RALYL: variants seen among roughly 807,000 people sequenced by gnomAD.
RALYL encodes the protein RALY RNA binding protein like.
A neutral mutation model predicts 35.1 loss-of-function variants in RALYL; 29 were observed. That is an observed-to-expected ratio of 0.83 (90% confidence interval 0.61 to 1.13). The LOEUF (loss-of-function observed/expected upper bound fraction) is 1.13, where lower values mean the gene tolerates loss of function less well. RALYL is among the 50% of genes most tolerant of loss of function. RALYL has a pLI of 0.00. For missense variants in RALYL, 359 were observed against 360.4 expected (o/e 1.00, Z 0.03); for synonymous variants, 120 against 127.6 (o/e 0.94, Z 0.40).
At chr8:84,397,906 T>A (rs1046755956) in intron 1 of RALYL, among the ~76,000 whole-genome samples, 1 of 152,220 alleles carries the variant, frequency 6.6e-6, no homozygotes. Flanking sequence ...GCCATTAGTT[T>A]TGAAACTCTA....
intron 1 of RALYL, among the ~76,000 whole-genome samples, chr8:84,259,055 GC>G (rs1347126277): frequency 7.9e-5 from 12 of 152,088 alleles, no homozygotes; most frequent in Non-Finnish European, 1.8e-4. Context: ...TATGTCTGTG[GC>G]CTAAGTCTTA....
chr8:84,655,299 T>G (rs1446653273), intron 2 of RALYL, among the ~76,000 whole-genome samples: 1 of 151,960 alleles, frequency 6.6e-6, no homozygotes, highest in East Asian at 1.9e-4. Context: ...TTAGGGTTTT[T>G]TTTTTGTTTT....
At chr8:84,859,833 A>G (rs533962301) in intron 5 of RALYL, among the ~76,000 whole-genome samples, 396 of 152,218 alleles carry the variant, frequency 2.6e-3, no homozygotes, top group Non-Finnish European at 3.6e-3. Flanking sequence ...TGACAGAGTG[A>G]CACTCTGTCT....
Position 84,353,921 on chromosome 8 carries a change from C to T in RALYL, c.-24+169497C>T, listed in dbSNP as rs537184883. 3.3e-5 allele frequency among the ~76,000 whole-genome samples: 5 copies of T among 150,240 alleles called. No individual in the cohort carries two copies. The East Asian group carries it at 9.7e-4, about 29-fold the overall frequency. ...ATCATTTTGAGTAAGAGATTTTTGA[C>T]TTTAAAGCATATAGTTATTTGTTAT... On this transcript the variant is annotated intron_variant, in intron 1 of 8. Transcript: ENST00000521268.
At chr8:84,710,406 A>G (rs185826136) in intron 2 of RALYL, among the ~76,000 whole-genome samples, 2,034 of 152,110 alleles carry the variant, frequency 0.013, 18 homozygotes, top group Middle Eastern at 0.041. Context: ...GGTTCAAGCG[A>G]TTCTCCTTCC....
At chr8:84,290,597 C>T (rs931799849) in intron 1 of RALYL, among the ~76,000 whole-genome samples, 13 of 152,128 alleles carry the variant, frequency 8.5e-5, no homozygotes, top group African/African-American at 1.9e-4. Flanking sequence ...GCAAGGACCG[C>T]CCATTTACAC....
At chr8:84,203,346 G>C (rs944948184) in intron 1 of RALYL, among the ~76,000 whole-genome samples, 2 of 151,512 alleles carry the variant, frequency 1.3e-5, no homozygotes, top group African/African-American at 4.9e-5. Flanking sequence ...GGAAGAAAAT[G>C]ATAAATTTTC....
chr8:84,511,241 C>G (rs909403508), intron 1 of RALYL, among the ~76,000 whole-genome samples: 1 of 152,184 alleles, frequency 6.6e-6, no homozygotes, highest in African/African-American at 2.4e-5. Context: ...TCTAGTGAGA[C>G]AGAATATCAG....
At chr8:84,656,589 G>A (rs1771674866) in intron 2 of RALYL, among the ~76,000 whole-genome samples, 1 of 152,056 alleles carries the variant, frequency 6.6e-6, no homozygotes, top group South Asian at 2.1e-4. Context: ...CATTCACAAA[G>A]TGTTAAGTGC....
chr8:84,657,653 A>C (rs1030476743), intron 2 of RALYL, among the ~76,000 whole-genome samples: 15 of 152,204 alleles, frequency 9.9e-5, no homozygotes, highest in Non-Finnish European at 1.3e-4. Flanking sequence ...AATCAGAGAA[A>C]GAACACTCTA....
At chr8:84,553,000 A>C (rs1662710120) in intron 2 of RALYL, among the ~76,000 whole-genome samples, 1 of 152,184 alleles carries the variant, frequency 6.6e-6, no homozygotes, top group African/African-American at 2.4e-5. Flanking sequence ...ACATAAATGA[A>C]CTAGATGAGG....
At chr8:84,385,452 G>T (rs1447779184) in intron 1 of RALYL, among the ~76,000 whole-genome samples, 3 of 151,790 alleles carry the variant, frequency 2.0e-5, no homozygotes, top group Non-Finnish European at 4.4e-5. Context: ...CATCTAATGT[G>T]TGAGGGATAG....
chr8:84,492,907 A>G (rs893792829), intron 1 of RALYL, among the ~76,000 whole-genome samples: 1 of 151,624 alleles, frequency 6.6e-6, no homozygotes, highest in Admixed American at 6.6e-5. Flanking sequence ...ATATATATCC[A>G]TCTTTTTTTA....
chr8:84,788,723 GCAGGAAGTGGCCTAT>G (rs1163368120), intron 3 of RALYL, among the ~76,000 whole-genome samples: 1 of 152,178 alleles, frequency 6.6e-6, no homozygotes, highest in East Asian at 1.9e-4. Context: ...AGAGCTAACT[GCAGGAAGTGGCCTAT>G]CAGTCAGCCC....
At chr8:84,213,577 C>CTT (rs1820057427) in intron 1 of RALYL, among the ~76,000 whole-genome samples, 1 of 152,130 alleles carries the variant, frequency 6.6e-6, no homozygotes, top group Non-Finnish European at 1.5e-5. Flanking sequence ...AGCTTTTCTT[C>CTT]TCAAAAGGAA....
At chr8:84,918,446 T>A (rs1848812979) in intron 8 of RALYL, among the ~76,000 whole-genome samples, 1 of 151,520 alleles carries the variant, frequency 6.6e-6, no homozygotes, top group Non-Finnish European at 1.5e-5. Context: ...TTTTCAGAAA[T>A]GGGAGAGATT....
At chr8:84,346,224 C>T (rs1423157938) in intron 1 of RALYL, 1 of 235,030 alleles carries the variant, frequency 4.3e-6, no homozygotes, top group African/African-American at 2.3e-5. Flanking sequence ...AATTGATAAC[C>T]AACATCTGAC....
At chr8:84,502,813 G>C (rs547130392) in intron 1 of RALYL, among the ~76,000 whole-genome samples, 71 of 151,518 alleles carry the variant, frequency 4.7e-4, no homozygotes, top group African/African-American at 1.6e-3. Context: ...CTAAATAATG[G>C]CTTGATAAAT....
intron 1 of RALYL, among the ~76,000 whole-genome samples, chr8:84,337,906 C>T (rs1848107317): frequency 6.6e-6 from 1 of 152,006 alleles, no homozygotes; most frequent in South Asian, 2.1e-4. Flanking sequence ...GAAAGGCTAC[C>T]ATTCACTGGG....
Sources: allele counts gnomAD v4.1 joint callset (sites outside exome capture counted in the v4.1 genomes callset), GRCh38; gene constraint gnomAD v4.1.1; transcripts MANE v1.5; gene names NCBI Gene and HGNC (gene_info 2026-07-23, HGNC 2026-07-21).